Variants in LNPK observed in about 807,000 individuals in gnomAD.
The protein encoded by LNPK is endoplasmic reticulum junction formation protein lunapark.
Under a neutral mutation model 55.2 loss-of-function variants are expected in LNPK, and 29 were observed. The ratio of observed to expected loss-of-function variants is 0.53; its 90% CI spans 0.39 to 0.72. The LOEUF (loss-of-function observed/expected upper bound fraction) is 0.72. Ranked by LOEUF, LNPK falls within the 30% of genes least tolerant of loss-of-function variation. The pLI, the probability that LNPK is intolerant of heterozygous loss-of-function variation, is 0.00. For missense variants in LNPK, 467 were observed against 494.8 expected, an observed-to-expected ratio of 0.94 and a Z score of 0.53; for synonymous variants, 162 against 168.2, an observed-to-expected ratio of 0.96 and a Z score of 0.29.
In LNPK at chr2:175,992,236, T is replaced by C. The variant is rs917338091; in HGVS notation, c.252A>G (p.Pro84=). 4 of 1,554,272 alleles carry C rather than the reference T, an allele frequency of 2.6e-6. No homozygotes were observed. The highest frequency in any genetic ancestry group is 3.4e-6 in the Non-Finnish European group (4 of 1,160,550). ...LAMTLPFFAF[P]LIIWSIRTVI... ...AAAAAGAATAATTTACTTACATCAA[T>C]GGAAAAGCAAAAAATGGGAGTGTCA... Residue 84 remains proline, a synonymous_variant, in exon 4 of 13, where the codon CCA becomes CCG. Coordinates refer to ENST00000272748, the MANE Select transcript of LNPK (RefSeq NM_030650.3).
At chr2:175,959,886 C>CAA (rs551900231) in intron 8 of LNPK, among the ~76,000 whole-genome samples, 22 of 142,484 alleles carry the variant, frequency 1.5e-4, no homozygotes, top group Admixed American at 2.8e-4. Flanking sequence ...AAATGGAAAA[C>CAA]AAAAAAAAAA....
intron 10 of LNPK, 184 bp from the exon 11 acceptor site, chr2:175,938,567 C>A: frequency 2.6e-6 from 1 of 391,924 alleles, no homozygotes; most frequent in Non-Finnish European, 4.6e-6. Context: ...AACCAAAGCC[C>A]AAATTTCAAG....
intron 4 of LNPK, among the ~76,000 whole-genome samples, chr2:175,989,834 G>A (rs531046548): frequency 4.2e-4 from 64 of 152,212 alleles, no homozygotes; most frequent in African/African-American, 1.4e-3. Context: ...ACATTCTGAA[G>A]TGAAAATATA....
intron 2 of LNPK, among the ~76,000 whole-genome samples, chr2:175,993,748 G>A (rs1379178436): frequency 2.0e-5 from 3 of 151,594 alleles, no homozygotes; most frequent in East Asian, 1.9e-4. Context: ...AGCCGAGATC[G>A]CACCACTGCA....
rs749218227 is a variant in LNPK at position 175,992,212 on chromosome 2, A to C, written c.257+19T>G. On this transcript the variant is annotated intron_variant, in intron 4 of 12. Coordinates refer to ENST00000272748, the MANE Select transcript of LNPK (RefSeq NM_030650.3). ...TAGTCAGAAAAGGAAAAGATCAACA[A>C]AAAGAATAATTTACTTACATCAATG... 1 of 1,509,968 alleles carries C rather than the reference A, an allele frequency of 6.6e-7. No individual in the cohort carries two copies. 93.5% of individuals were successfully genotyped at this position (1,509,968 alleles called of 1,614,324 possible). A position where few individuals can be genotyped will look rare whatever the true frequency, so the allele number is the denominator to read the frequency against.
intron 1 of LNPK, among the ~76,000 whole-genome samples, chr2:176,000,072 T>C (rs541814847): frequency 8.5e-4 from 130 of 152,306 alleles, no homozygotes; most frequent in African/African-American, 2.9e-3. Context: ...GACCTAAATG[T>C]GCTTTTCAAT....
chr2:175,962,341 C>G (rs762781866), intron 8 of LNPK, among the ~76,000 whole-genome samples: 3 of 151,956 alleles, frequency 2.0e-5, no homozygotes, highest in South Asian at 2.1e-4. Context: ...GCATGGTACT[C>G]GTACCACAAC....
intron 9 of LNPK, among the ~76,000 whole-genome samples, chr2:175,940,124 G>A (rs1424724154): frequency 6.6e-6 from 1 of 152,024 alleles, no homozygotes; most frequent in Admixed American, 6.6e-5. Context: ...ATCAAGCAAT[G>A]TAGGTTATTG....
At chr2:175,968,974 C>A (rs1223103484) in intron 6 of LNPK, among the ~76,000 whole-genome samples, 1 of 151,508 alleles carries the variant, frequency 6.6e-6, no homozygotes, top group Non-Finnish European at 1.5e-5. Flanking sequence ...CCCGAGATTG[C>A]ACCACTGCAC....
chr2:175,981,648 T>G (rs1001927202), intron 4 of LNPK, among the ~76,000 whole-genome samples: 2 of 152,016 alleles, frequency 1.3e-5, no homozygotes, highest in Non-Finnish European at 2.9e-5. Flanking sequence ...ATGAAGAAAG[T>G]CAGGGGAATT....
chr2:175,964,716 G>A (rs1255606531), intron 6 of LNPK, 127 bp from the exon 7 acceptor site: 18 of 619,586 alleles, frequency 2.9e-5, no homozygotes, highest in South Asian at 2.2e-4. Context: ...TCCTACATTC[G>A]AATAATTAAA....
intron 5 of LNPK, among the ~76,000 whole-genome samples, chr2:175,976,009 T>A (rs116428283): frequency 0.018 from 2,687 of 151,640 alleles, 84 homozygotes; most frequent in African/African-American, 0.061. Flanking sequence ...TGAGACTCCA[T>A]CTCAAAAAAA....
At chr2:176,001,042 A>G (rs560130360) in intron 1 of LNPK, among the ~76,000 whole-genome samples, 1 of 152,332 alleles carries the variant, frequency 6.6e-6, no homozygotes, top group African/African-American at 2.4e-5. Context: ...TCTTGTTTAT[A>G]TAACATATAA....
At chr2:175,959,144 C>G (rs1685868378) in intron 8 of LNPK, among the ~76,000 whole-genome samples, 1 of 152,194 alleles carries the variant, frequency 6.6e-6, no homozygotes, top group Admixed American at 6.5e-5. Flanking sequence ...AAACACTCTT[C>G]AGGATATTAT....
intron 8 of LNPK, among the ~76,000 whole-genome samples, chr2:175,953,926 C>T (rs1171184113): frequency 6.6e-6 from 1 of 152,030 alleles, no homozygotes; most frequent in African/African-American, 2.4e-5. Context: ...AATTTGATCC[C>T]TCCTTCATAT....
Position 175,926,666 on chromosome 2 carries a change from T to A in LNPK, c.*3301A>T, listed in dbSNP as rs563898296. On this transcript the variant is annotated 3_prime_UTR_variant, in exon 13 of 13. Transcript: ENST00000272748. ...TAATATATATACAGCAGTTAGCATG[T>A]TGCCTGGCACAGAATAAGAATGCAA... The A allele has an allele frequency of 5.9e-5, 9 of 152,360 alleles. No homozygotes were observed. Among genetic ancestry groups the A allele is most frequent in the South Asian group, 2.1e-4 (1 of 4,828 alleles). 9.4% of individuals were successfully genotyped at this position (152,360 alleles called of 1,614,324 possible).
At chr2:175,962,472 A>AAAT (rs1451271006) in intron 8 of LNPK, among the ~76,000 whole-genome samples, 1 of 152,248 alleles carries the variant, frequency 6.6e-6, no homozygotes, top group Admixed American at 6.5e-5. Context: ...CCTGTTTAAT[A>AAAT]AATGGTGCTG....
intron 5 of LNPK, among the ~76,000 whole-genome samples, chr2:175,971,159 T>A (rs955400984): frequency 1.3e-5 from 2 of 152,106 alleles, no homozygotes; most frequent in African/African-American, 4.8e-5. Context: ...TAGTATCAAA[T>A]CTCTTTTTAT....
At chr2:175,937,656 T>C (rs1684620895) in intron 11 of LNPK, 142 bp from the exon 12 acceptor site, 4 of 587,486 alleles carry the variant, frequency 6.8e-6, no homozygotes, top group Non-Finnish European at 1.2e-5. Context: ...AATAATAATA[T>C]GGTAGATGCT....
Sources: gnomAD v4.1 joint callset for allele counts (sites outside exome capture counted in the v4.1 genomes callset) on GRCh38, gnomAD v4.1.1 for gene constraint, MANE v1.5 for transcripts, NCBI Gene and HGNC (gene_info 2026-07-23, HGNC 2026-07-21) for gene names.